Variants in DCC observed in about 807,000 individuals in gnomAD.
DCC encodes netrin receptor DCC.
DCC carries 58 observed loss-of-function variants against 172.5 expected under a neutral mutation model. That is an observed-to-expected ratio of 0.34 (90% CI 0.27 to 0.42). DCC has a LOEUF of 0.42. Ranked by LOEUF, DCC falls within the 10% of genes least tolerant of loss-of-function variation. DCC has a pLI of 1.00. For missense variants in DCC, 1,740 were observed against 1,791.0 expected (o/e 0.97, Z 0.51); for synonymous variants, 709 against 644.5 (o/e 1.10, Z -1.52).
At chr18:52,789,459 T>TA (rs373879575) in intron 2 of DCC, among the ~76,000 whole-genome samples, 10 of 152,044 alleles carry the variant, frequency 6.6e-5, no homozygotes, top group African/African-American at 1.7e-4. Flanking sequence ...AAAGGCCTTT[T>TA]AAAAAAAATC....
intron 5 of DCC, among the ~76,000 whole-genome samples, chr18:53,010,548 A>G (rs2041713302): frequency 6.6e-6 from 1 of 151,484 alleles, no homozygotes. Context: ...TTGCATACAT[A>G]CTGTTTACAT....
intron 20 of DCC, among the ~76,000 whole-genome samples, 186 bp from the exon 21 acceptor site, chr18:53,415,938 A>T (rs575617616): frequency 1.0e-3 from 153 of 152,048 alleles, no homozygotes; most frequent in African/African-American, 3.4e-3. Flanking sequence ...ATTATTTTCA[A>T]TTTTTTTTCT....
intron 15 of DCC, among the ~76,000 whole-genome samples, chr18:53,365,932 C>T (rs982115076): frequency 2.0e-5 from 3 of 152,152 alleles, no homozygotes; most frequent in Non-Finnish European, 4.4e-5. Flanking sequence ...CTTCTCAAGC[C>T]GGTGGTTTGT....
chr18:53,047,241 T>C (rs1163255310), intron 5 of DCC, among the ~76,000 whole-genome samples: 1 of 4,452 alleles, frequency 2.2e-4, no homozygotes, highest in Non-Finnish European at 5.4e-4. Flanking sequence ...GTAGGATATA[T>C]ATATATATAT....
intron 23 of DCC, among the ~76,000 whole-genome samples, chr18:53,454,406 A>G (rs1378270804): frequency 6.6e-6 from 1 of 152,194 alleles, no homozygotes; most frequent in Non-Finnish European, 1.5e-5. Context: ...GTTTTTTAAT[A>G]AGGCAATAAC....
intron 1 of DCC, among the ~76,000 whole-genome samples, chr18:52,576,619 G>C (rs2033416204): frequency 6.6e-6 from 1 of 152,052 alleles, no homozygotes. Flanking sequence ...CACGAGGTCA[G>C]GAGATCGAGA....
chr18:53,251,665 G>A (rs527545367), intron 12 of DCC, among the ~76,000 whole-genome samples: 30 of 151,878 alleles, frequency 2.0e-4, no homozygotes, highest in East Asian at 3.9e-4. Flanking sequence ...ATCAAATTGC[G>A]TGTGTGAGTG....
intron 2 of DCC, among the ~76,000 whole-genome samples, chr18:52,770,510 G>T (rs993574595): frequency 6.6e-6 from 1 of 152,150 alleles, no homozygotes; most frequent in East Asian, 1.9e-4. Flanking sequence ...TAGAGTGAAG[G>T]CTTCCTGAGA....
At chr18:52,380,449 G>T (rs1370263978) in intron 1 of DCC, among the ~76,000 whole-genome samples, 2 of 151,994 alleles carry the variant, frequency 1.3e-5, no homozygotes, top group Non-Finnish European at 1.5e-5. Flanking sequence ...TACGCAATTA[G>T]CAGGAAAAAA....
At chr18:53,381,696 T>C (rs959801403) in intron 15 of DCC, among the ~76,000 whole-genome samples, 6 of 151,802 alleles carry the variant, frequency 4.0e-5, no homozygotes, top group Non-Finnish European at 8.8e-5. Flanking sequence ...TGGCATGTAG[T>C]TGGGTATGTA....
chr18:52,443,813 G>T (rs1988041788), intron 1 of DCC, among the ~76,000 whole-genome samples: 1 of 152,156 alleles, frequency 6.6e-6, no homozygotes, highest in South Asian at 2.1e-4. Flanking sequence ...AATGGGTGAA[G>T]TCATCCCATT....
intron 1 of DCC, among the ~76,000 whole-genome samples, chr18:52,382,815 G>C (rs373212037): frequency 6.6e-6 from 1 of 152,032 alleles, no homozygotes; most frequent in Non-Finnish European, 1.5e-5. Context: ...TACATAACTC[G>C]TACCTGTAAT....
chr18:52,409,265 G>A (rs764087705), intron 1 of DCC: 1 of 152,094 alleles, frequency 6.6e-6, no homozygotes, highest in African/African-American at 2.4e-5. Flanking sequence ...GTGGTTGTAG[G>A]TAAGGATGCT....
At chr18:53,259,497 T>C (rs574098368) in intron 12 of DCC, among the ~76,000 whole-genome samples, 61 of 152,344 alleles carry the variant, frequency 4.0e-4, no homozygotes, top group African/African-American at 1.5e-3. Context: ...TATGAAATTC[T>C]GGGTTGAAAA....
chr18:53,129,397 C>T (rs2043618439), intron 7 of DCC, among the ~76,000 whole-genome samples: 1 of 152,004 alleles, frequency 6.6e-6, no homozygotes, highest in South Asian at 2.1e-4. Flanking sequence ...ATTTTATATA[C>T]ATCTGTAAAT....
At chr18:53,505,834 G>T (rs1014144183) in intron 27 of DCC, among the ~76,000 whole-genome samples, 1 of 152,140 alleles carries the variant, frequency 6.6e-6, no homozygotes, top group Non-Finnish European at 1.5e-5. Context: ...GCAGTAGGTT[G>T]TTTTCAAGGC....
chr18:52,745,938 A>C (rs1223216962), intron 1 of DCC, among the ~76,000 whole-genome samples: 1 of 152,166 alleles, frequency 6.6e-6, no homozygotes, highest in African/African-American at 2.4e-5. Flanking sequence ...GATATACTAA[A>C]CCAAGTGAAG....
intron 1 of DCC, among the ~76,000 whole-genome samples, chr18:52,490,375 C>T (rs1195953304): frequency 6.6e-6 from 1 of 151,994 alleles, no homozygotes; most frequent in African/African-American, 2.4e-5. Flanking sequence ...CACTTGTTTT[C>T]CTAGTCACAT....
intron 12 of DCC, among the ~76,000 whole-genome samples, chr18:53,243,055 T>C (rs2056322085): frequency 6.6e-6 from 1 of 152,048 alleles, no homozygotes; most frequent in African/African-American, 2.4e-5. Context: ...TTTTAACATG[T>C]TGAACTGATG....
Sources: gnomAD v4.1 joint callset for allele counts (sites outside exome capture counted in the v4.1 genomes callset) on GRCh38, gnomAD v4.1.1 for gene constraint, MANE v1.5 for transcripts, NCBI Gene and HGNC (gene_info 2026-07-23, HGNC 2026-07-21) for gene names.